Variants in ANK3 observed in about 807,000 individuals in gnomAD.
The protein encoded by ANK3 is ankyrin 3, also known as ankyrin-3.
In ANK3, 57 loss-of-function variants were observed where a neutral mutation model predicts 370.9. The ratio of observed to expected loss-of-function variants is 0.15; its 90% CI spans 0.12 to 0.19. The LOEUF (loss-of-function observed/expected upper bound fraction) is 0.19, where lower values mean the gene tolerates loss of function less well. Among genes scored for constraint, ANK3 ranks in the 10% least tolerant of loss-of-function variants. The pLI is 1.00. For missense variants in ANK3, 4,439 were observed against 5,302.1 expected (o/e 0.84, Z 5.06); for synonymous variants, 1,929 against 1,946.3 (o/e 0.99, Z 0.23).
chr10:60,498,732 C>T (rs920193281), intron 2 of ANK3, among the ~76,000 whole-genome samples: 2 of 152,180 alleles, frequency 1.3e-5, no homozygotes, highest in African/African-American at 4.8e-5. Context: ...TTTCAATCAA[C>T]ATTCTATCCC....
intron 42 of ANK3, among the ~76,000 whole-genome samples, chr10:60,047,893 T>A (rs1589225437): frequency 6.6e-6 from 1 of 152,298 alleles, no homozygotes; most frequent in East Asian, 1.9e-4. Flanking sequence ...TGTATAGAGA[T>A]CAGAATTTTA....
At chr10:60,538,438 A>G (rs1214856147) in intron 2 of ANK3, among the ~76,000 whole-genome samples, 1 of 151,798 alleles carries the variant, frequency 6.6e-6, no homozygotes, top group Non-Finnish European at 1.5e-5. Context: ...ACTCTTATTA[A>G]TTCTCTCTGC....
intron 42 of ANK3, among the ~76,000 whole-genome samples, chr10:60,052,848 T>C (rs76965766): frequency 4.7e-5 from 7 of 149,614 alleles, no homozygotes; most frequent in African/African-American, 1.7e-4. Flanking sequence ...AAAAAAAAAA[T>C]AAAACTGCTA....
At chr10:60,664,734 A>G (rs1439512034) in intron 1 of ANK3, among the ~76,000 whole-genome samples, 1 of 152,246 alleles carries the variant, frequency 6.6e-6, no homozygotes, top group Non-Finnish European at 1.5e-5. Context: ...CATTATTTTC[A>G]GAAGGTATTG....
At chr10:60,456,397 C>T (rs1014464975) in intron 2 of ANK3, among the ~76,000 whole-genome samples, 4 of 152,124 alleles carry the variant, frequency 2.6e-5, no homozygotes, top group Admixed American at 6.6e-5. Flanking sequence ...AAACAATGGG[C>T]CTATTTTCCC....
intron 1 of ANK3, among the ~76,000 whole-genome samples, chr10:60,656,600 G>T (rs1312419359): frequency 2.0e-5 from 3 of 151,974 alleles, no homozygotes; most frequent in African/African-American, 7.2e-5. Flanking sequence ...GAATGAATGA[G>T]CCTAGATCAA....
chr10:60,134,239 T>C (rs1290814590), intron 25 of ANK3, 32 bp downstream of exon 25: 47 of 1,531,390 alleles, frequency 3.1e-5, no homozygotes, highest in Non-Finnish European at 3.8e-5. Context: ...GTAAGTTTAA[T>C]GGTCAAAGGC....
At chr10:60,477,516 TACAC>T (rs761752696) in intron 2 of ANK3, among the ~76,000 whole-genome samples, 1,835 of 122,646 alleles carry the variant, frequency 0.015, 25 homozygotes, top group South Asian at 0.048. Context: ...CAGACAGACA[TACAC>T]ACACACACAC....
intron 36 of ANK3, among the ~76,000 whole-genome samples, chr10:60,077,597 G>A (rs1015463265): frequency 1.3e-5 from 2 of 152,088 alleles, no homozygotes; most frequent in Admixed American, 6.6e-5. Flanking sequence ...AACTACATAC[G>A]TCCATGTCTG....
chr10:60,126,248 G>C (rs1031350474), intron 25 of ANK3, among the ~76,000 whole-genome samples: 2 of 152,204 alleles, frequency 1.3e-5, no homozygotes, highest in African/African-American at 4.8e-5. Context: ...TACTCAGAGA[G>C]AGAACAGGGC....
At chr10:60,189,835 A>T (rs1167453989) in intron 16 of ANK3, among the ~76,000 whole-genome samples, 1 of 152,240 alleles carries the variant, frequency 6.6e-6, no homozygotes. Flanking sequence ...TGCAATTTGA[A>T]ATTATCAAAA....
intron 28 of ANK3, among the ~76,000 whole-genome samples, chr10:60,101,175 G>T (rs2091207512): frequency 6.6e-6 from 1 of 152,152 alleles, no homozygotes; most frequent in Non-Finnish European, 1.5e-5. Context: ...CGCGTATCTG[G>T]TGTATTTTAC....
chr10:60,465,350 A>G (rs769305813), intron 2 of ANK3, among the ~76,000 whole-genome samples: 2 of 152,208 alleles, frequency 1.3e-5, no homozygotes, highest in Non-Finnish European at 2.9e-5. Flanking sequence ...TTTAGATCCT[A>G]CGTCAACTAT....
intron 2 of ANK3, among the ~76,000 whole-genome samples, chr10:60,504,390 T>C (rs2075880144): frequency 6.6e-6 from 1 of 152,178 alleles, no homozygotes. Context: ...GGGTTCACTT[T>C]GTCTCTGGTA....
At chr10:60,205,643 G>T in intron 11 of ANK3, 149 bp downstream of exon 11, 1 of 602,342 alleles carries the variant, frequency 1.7e-6, no homozygotes, top group Non-Finnish European at 3.0e-6. Context: ...CTAGGGACTG[G>T]CAGCCCTCTT....
At chr10:60,408,146 C>G (rs1369494577) in intron 2 of ANK3, among the ~76,000 whole-genome samples, 1 of 152,224 alleles carries the variant, frequency 6.6e-6, no homozygotes, top group Admixed American at 6.5e-5. Flanking sequence ...AAGAAACACT[C>G]TTACCATTTT....
At chr10:60,711,826 C>A (rs979855289) in intron 1 of ANK3, among the ~76,000 whole-genome samples, 1 of 151,862 alleles carries the variant, frequency 6.6e-6, no homozygotes, top group Admixed American at 6.6e-5. Context: ...TTGGAAGCAG[C>A]CAGAGGAAAT....
chr10:60,450,649 G>A (rs1157149925), intron 2 of ANK3, among the ~76,000 whole-genome samples: 1 of 152,142 alleles, frequency 6.6e-6, no homozygotes, highest in Non-Finnish European at 1.5e-5. Context: ...TCTTCGGGCT[G>A]GAGTATAAGA....
intron 1 of ANK3, among the ~76,000 whole-genome samples, chr10:60,303,644 T>A (rs1191451378): frequency 1.3e-5 from 2 of 152,174 alleles, no homozygotes; most frequent in Non-Finnish European, 2.9e-5. Context: ...TTGATTGGAA[T>A]GTAAATTGGT....
Sources: gnomAD v4.1 joint callset for allele counts (sites outside exome capture counted in the v4.1 genomes callset) on GRCh38, gnomAD v4.1.1 for gene constraint, MANE v1.5 for transcripts, NCBI Gene and HGNC (gene_info 2026-07-23, HGNC 2026-07-21) for gene names.